The following DPYD variants were observed in gnomAD, a reference collection of about 807,000 sequenced individuals.
DPYD encodes the protein dihydropyrimidine dehydrogenase [NADP(+)].
A neutral mutation model predicts 116.2 loss-of-function variants in DPYD; 109 were observed. The ratio of observed to expected loss-of-function variants is 0.94; its 90% CI spans 0.80 to 1.10. The LOEUF is 1.10. Among genes scored for constraint, DPYD ranks in the 50% least tolerant of loss-of-function variants. DPYD has a pLI of 0.00. For missense variants in DPYD, 1,302 were observed against 1,254.5 expected (o/e 1.04, Z -0.57); for synonymous variants, 440 against 432.0 (o/e 1.02, Z -0.23).
intron 8 of DPYD, among the ~76,000 whole-genome samples, chr1:97,652,032 T>A (rs1349444542): frequency 6.6e-6 from 1 of 152,044 alleles, no homozygotes; most frequent in African/African-American, 2.4e-5. Context: ...TTTTTTTTAT[T>A]CTCTAAGTAA....
At chr1:97,896,073 A>C (rs577912675) in intron 1 of DPYD, among the ~76,000 whole-genome samples, 6 of 151,914 alleles carry the variant, frequency 3.9e-5, no homozygotes, top group Non-Finnish European at 7.4e-5. Context: ...AATAAAATTA[A>C]CTTGGCATCT....
intron 8 of DPYD, among the ~76,000 whole-genome samples, chr1:97,637,988 G>A (rs574526703): frequency 6.6e-6 from 1 of 152,156 alleles, no homozygotes; most frequent in East Asian, 1.9e-4. Flanking sequence ...TGCCTGATGA[G>A]CCCTTGGTGT....
At chr1:97,645,443 C>A (rs1658202126) in intron 8 of DPYD, among the ~76,000 whole-genome samples, 1 of 151,998 alleles carries the variant, frequency 6.6e-6, no homozygotes. Flanking sequence ...GTGAATGGAT[C>A]CAACTCCATT....
At chr1:97,469,340 C>T (rs1191549132) in intron 13 of DPYD, among the ~76,000 whole-genome samples, 1 of 132,292 alleles carries the variant, frequency 7.6e-6, no homozygotes, top group African/African-American at 2.8e-5. Flanking sequence ...ATATACACTG[C>T]AGCCTTCCAG....
At chr1:97,368,426 G>T (rs964973606) in intron 16 of DPYD, among the ~76,000 whole-genome samples, 5 of 152,158 alleles carry the variant, frequency 3.3e-5, no homozygotes, top group Non-Finnish European at 7.3e-5. Context: ...GAAGTAAGCA[G>T]CTTTAGGTTT....
At chr1:97,459,152 A>G (rs1393375359) in intron 13 of DPYD, among the ~76,000 whole-genome samples, 1 of 152,152 alleles carries the variant, frequency 6.6e-6, no homozygotes, top group African/African-American at 2.4e-5. Flanking sequence ...ATATGAGCAA[A>G]TAGAATTTCT....
chr1:97,565,289 G>C (rs759434225), intron 11 of DPYD, among the ~76,000 whole-genome samples: 1 of 151,934 alleles, frequency 6.6e-6, no homozygotes, highest in Non-Finnish European at 1.5e-5. Context: ...TATTACAAAT[G>C]GTGCACAATC....
At chr1:97,367,364 G>A (rs1055733676) in intron 16 of DPYD, among the ~76,000 whole-genome samples, 45 of 151,276 alleles carry the variant, frequency 3.0e-4, no homozygotes, top group African/African-American at 1.1e-3. Context: ...GTATTGCTCT[G>A]GGTGGTATTT....
At chr1:97,751,567 C>A (rs547117180) in intron 3 of DPYD, among the ~76,000 whole-genome samples, 4 of 144,352 alleles carry the variant, frequency 2.8e-5, no homozygotes, top group Non-Finnish European at 6.0e-5. Context: ...GGTTCCATAT[C>A]AGCCTGGGCA....
At chr1:97,694,600 CA>C (rs1661196974) in intron 6 of DPYD, among the ~76,000 whole-genome samples, 1 of 152,052 alleles carries the variant, frequency 6.6e-6, no homozygotes, top group African/African-American at 2.4e-5. Context: ...TCTTGCATCC[CA>C]ACACTGGTCC....
At chr1:97,435,670 T>G (rs966081472) in intron 14 of DPYD, among the ~76,000 whole-genome samples, 1 of 151,884 alleles carries the variant, frequency 6.6e-6, no homozygotes, top group African/African-American at 2.4e-5. Flanking sequence ...AAAAATAATG[T>G]GTTAAGTATT....
chr1:97,204,903 A>G (rs1659486675), intron 19 of DPYD, among the ~76,000 whole-genome samples: 3 of 152,084 alleles, frequency 2.0e-5, no homozygotes, highest in South Asian at 2.1e-4. Context: ...ACTTGATCCA[A>G]TAAGAGGACC....
chr1:97,082,586 A>C, intron 21 of DPYD, 116 bp from the exon 22 acceptor site: 1 of 1,192,526 alleles, frequency 8.4e-7, no homozygotes, highest in Admixed American at 1.7e-5. Context: ...TTAACTTGGG[A>C]GACTGGATAG....
intron 2 of DPYD, among the ~76,000 whole-genome samples, chr1:97,880,893 G>T (rs2101636793): frequency 6.6e-6 from 1 of 152,024 alleles, no homozygotes; most frequent in African/African-American, 2.4e-5. Flanking sequence ...ATATACCACT[G>T]AATTAATTTA....
rs191562968 is a variant in DPYD at position 97,411,684 on chromosome 1, T to G, written c.1906-29223A>C. 5.1e-3 allele frequency among the ~76,000 whole-genome samples: 783 copies of G among 152,350 alleles called. 6 individuals carry two copies. The highest frequency in any genetic ancestry group is 0.018 in the African/African-American group (761 of 41,594). ...GGATCAACCAAAAATGTTTCCCACATTTTTAAAACATCATAGGGTTTAATC... is the reference window on the plus strand; with the variant it reads ...GGATCAACCAAAAATGTTTCCCACAGTTTTAAAACATCATAGGGTTTAATC... On this transcript the variant is annotated intron_variant, in intron 14 of 22. Coordinates refer to ENST00000370192, the MANE Select transcript of DPYD (RefSeq NM_000110.4).
chr1:97,622,806 C>G (rs1475664797), intron 8 of DPYD, among the ~76,000 whole-genome samples: 2 of 151,862 alleles, frequency 1.3e-5, no homozygotes, highest in Admixed American at 6.6e-5. Flanking sequence ...CTATACAAGA[C>G]TGTATATAAT....
intron 21 of DPYD, among the ~76,000 whole-genome samples, chr1:97,089,827 GTTTTTTT>G (rs112112819): frequency 2.4e-5 from 3 of 126,604 alleles, no homozygotes; most frequent in Non-Finnish European, 1.7e-5. Flanking sequence ...CATTTTGTTT[GTTTTTTT>G]TTTTTTTTTT....
chr1:97,192,802 T>C (rs1160583306), intron 20 of DPYD, among the ~76,000 whole-genome samples: 3 of 152,212 alleles, frequency 2.0e-5, no homozygotes, highest in Non-Finnish European at 4.4e-5. Flanking sequence ...ATCACCACAG[T>C]AAGCAAGAAT....
At chr1:97,684,773 C>CA (rs1660626910) in intron 7 of DPYD, among the ~76,000 whole-genome samples, 1 of 152,116 alleles carries the variant, frequency 6.6e-6, no homozygotes, top group Non-Finnish European at 1.5e-5. Flanking sequence ...TGGACACATA[C>CA]ACCCTCCCAA....
Sources: allele counts gnomAD v4.1 joint callset (sites outside exome capture counted in the v4.1 genomes callset), GRCh38; gene constraint gnomAD v4.1.1; transcripts MANE v1.5; gene names NCBI Gene and HGNC (gene_info 2026-07-23, HGNC 2026-07-21).